Variants in SMPD2 observed in about 807,000 individuals in gnomAD.
SMPD2 encodes the protein N-SMase.
SMPD2 carries 35 observed loss-of-function variants against 41.7 expected under a neutral mutation model. The observed-to-expected ratio is 0.84, with a 90% CI of 0.64 to 1.11. The LOEUF (loss-of-function observed/expected upper bound fraction) is 1.11, where lower values mean the gene tolerates loss of function less well. SMPD2 is among the 50% of genes most tolerant of loss of function. The pLI, the probability that SMPD2 is intolerant of heterozygous loss-of-function variation, is 0.00. For missense variants in SMPD2, 520 were observed against 524.8 expected, an observed-to-expected ratio of 0.99 and a Z score of 0.09; for synonymous variants, 201 against 208.2, an observed-to-expected ratio of 0.97 and a Z score of 0.30.
In SMPD2 at chr6:109,442,966, G is replaced by A; in HGVS notation, c.625-11G>A. The A allele has an allele frequency of 6.2e-7, 1 of 1,613,598 alleles. No homozygotes were observed. The highest frequency in any genetic ancestry group is 8.5e-7 in the Non-Finnish European group (1 of 1,179,506). ...CCCCCACATCCTAGCATGAGCCAAT[G>A]ATTCCCTTAGGGCTCTGAGGAAGGC... On this transcript the variant is annotated splice_polypyrimidine_tract_variant and intron_variant, in intron 7 of 9. Transcript: ENST00000258052.
intron 1 of SMPD2, 26 bp from the exon 2 acceptor site, chr6:109,441,331 C>T (rs1357297206): frequency 2.5e-6 from 4 of 1,607,348 alleles, no homozygotes; most frequent in Admixed American, 1.7e-5. Context: ...CAGTCGCCTC[C>T]CCTGCCCCGC....
chr6:109,443,165 A>G, intron 8 of SMPD2, 84 bp downstream of exon 8: 2 of 1,537,744 alleles, frequency 1.3e-6, no homozygotes. Flanking sequence ...CAGCTAGTCT[A>G]GTCTTGGACC....
rs755255534 is a variant in SMPD2 at position 109,442,939 on chromosome 6, C to A, written c.625-38C>A. On this transcript the variant is annotated intron_variant, in intron 7 of 9. Coordinates refer to ENST00000258052, the MANE Select transcript of SMPD2 (RefSeq NM_003080.3). ...ATATCCCCAGCTTCTCTCCCTCCTT[C>A]TCCCCCACATCCTAGCATGAGCCAA... 2.5e-6 allele frequency: 4 copies of A among 1,610,632 alleles called. No individual in the cohort carries two copies. In the East Asian group the frequency reaches 8.9e-5, roughly 36 times the overall value.
At chr6:109,443,243 C>G (rs780848401) in intron 8 of SMPD2, 24 bp from the exon 9 acceptor site, 1 of 1,612,558 alleles carries the variant, frequency 6.2e-7, no homozygotes, top group Non-Finnish European at 8.5e-7. Flanking sequence ...ATATAAGCTT[C>G]TCTCTGGCCC....
At position 109,442,257 on chromosome 6, in the gene SMPD2, G is replaced by A. The variant is rs1774940823; in HGVS notation, c.366G>A (p.Val122=). ...GTGGGAAGGCTGTGGGGCTGCTGGT[G>A]CTCCATCTAAGTGGCATGGTGCTCA... ...WFSGKAVGLL[V]LHLSGMVLNA... is the part of the protein sequence containing the mutation. Residue 122 remains valine, a synonymous_variant, in exon 5 of 10, where the codon GTG becomes GTA. Transcript: ENST00000258052. The A allele has an allele frequency of 1.9e-6, 3 of 1,614,182 alleles. No individual in the cohort carries two copies. Among genetic ancestry groups the A allele is most frequent in the East Asian group, 4.5e-5 (2 of 44,880 alleles).
At chr6:109,441,322 A>C (rs777509286) in intron 1 of SMPD2, 35 bp from the exon 2 acceptor site, 2 of 1,602,254 alleles carry the variant, frequency 1.2e-6, no homozygotes, top group African/African-American at 1.3e-5. Context: ...TGGTCCCAGC[A>C]GTCGCCTCCC....
rs73520916 is a variant in SMPD2, at chr6:109,441,327, C to T, written c.51-30C>T. 770 of 1,605,852 alleles carry T rather than the reference C, an allele frequency of 4.8e-4. 6 individuals are homozygous for T. In the African/African-American group the frequency reaches 9.4e-3, roughly 20 times the overall value. On this transcript the variant is annotated intron_variant, in intron 1 of 9. Coordinates refer to ENST00000258052, the MANE Select transcript of SMPD2 (RefSeq NM_003080.3). Reference sequence around the variant, plus strand: ...CCAGCGCCGGTGGTCCCAGCAGTCGCCTCCCCTGCCCCGCTCTTCCCTTCC... The same window carrying T: ...CCAGCGCCGGTGGTCCCAGCAGTCGTCTCCCCTGCCCCGCTCTTCCCTTCC...
At position 109,443,502 on chromosome 6, in the gene SMPD2, C is replaced by A. The variant is rs1429278971; in HGVS notation, c.884-15C>A. ...TCTTGACTCTCTCCTGCCCCACTGC[C>A]CTGCTCTGTTGTAGGACCAGCAGAG... On this transcript the variant is annotated splice_polypyrimidine_tract_variant and intron_variant, in intron 9 of 9. Transcript: ENST00000258052. 4.4e-6 allele frequency: 7 copies of A among 1,608,648 alleles called. No homozygotes were observed. Among genetic ancestry groups the A allele is most frequent in the Non-Finnish European group, 6.0e-6 (7 of 1,176,378 alleles).
chr6:109,441,290 C>T, intron 1 of SMPD2, 67 bp from the exon 2 acceptor site: 3 of 1,582,456 alleles, frequency 1.9e-6, no homozygotes, highest in Non-Finnish European at 2.6e-6. Context: ...CCTCCAAAGT[C>T]CACATCTGGC....
At position 109,441,253 on chromosome 6, in the gene SMPD2, G is replaced by T; in HGVS notation, c.50+82G>T. 3 of 1,594,226 alleles carry T rather than the reference G, an allele frequency of 1.9e-6. No homozygotes were observed. In the South Asian group the frequency reaches 3.3e-5, roughly 18 times the overall value. The stretch of plus-strand genomic sequence containing the variant: ...CCTTCCTCCCCCTATCCCGCCCCAC[G>T]ATCTCAGGGTGTAGGGAAAACCCGA... On this transcript the variant is annotated intron_variant, in intron 1 of 9. Transcript: ENST00000258052.
At position 109,441,009 on chromosome 6, in the gene SMPD2, C is replaced by A. The variant is rs960094391; in HGVS notation, c.-113C>A. 9 of 1,093,762 alleles carry A rather than the reference C, an allele frequency of 8.2e-6. No individual in the cohort carries two copies. The African/African-American group carries it at 1.3e-4, about 15-fold the overall frequency. The allele number at this position is 1,093,762 out of a possible 1,614,324, so 67.8% of individuals were successfully genotyped here. A position where few individuals can be genotyped will look rare whatever the true frequency, so the allele number is the denominator to read the frequency against. On this transcript the variant is annotated 5_prime_UTR_variant, in exon 1 of 10. Transcript: ENST00000258052. The stretch of plus-strand genomic sequence containing the variant: ...CGGGCTTGGTGCCCACCTGTGCGCG[C>A]CGCCTGCGAAGAAGGAACGGTCTGG...
chr6:109,443,578 G>C lies in SMPD2; in HGVS notation c.945G>C (p.Leu315=), dbSNP rs200494520. ...AGGAGGCCTGGACGGAGCTGGGTCT[G>C]GGCATGGCTCAGGCTCGCTGGTGGG... ...VLKEAWTELG[L]GMAQARWWAT... The change falls in exon 10 of 10, where the codon CTG becomes CTC. Residue 315 remains leucine (L), a synonymous_variant. Transcript: ENST00000258052. 3.0e-4 allele frequency: 482 copies of C among 1,613,956 alleles called. No individual in the cohort carries two copies. Among genetic ancestry groups the C allele is most frequent in the Non-Finnish European group, 4.0e-4 (467 of 1,180,014 alleles).
At chr6:109,441,664 C>A (rs1264497212) in intron 3 of SMPD2, 36 bp downstream of exon 3, 1 of 1,594,438 alleles carries the variant, frequency 6.3e-7, no homozygotes, top group African/African-American at 1.3e-5. Flanking sequence ...TGTTGTCATC[C>A]CAGGAGGCTC....
intron 2 of SMPD2, 43 bp downstream of exon 2, chr6:109,441,496 G>A: frequency 1.2e-6 from 2 of 1,612,396 alleles, no homozygotes; most frequent in Non-Finnish European, 1.7e-6. Flanking sequence ...CTGGGAGGAG[G>A]GACAGACCGT....
chr6:109,440,734 G>T lies in SMPD2; in HGVS notation c.-388G>T, dbSNP rs1582620347. 2.0e-6 allele frequency: 1 copy of T among 499,300 alleles called. No individual in the cohort carries two copies. Among genetic ancestry groups the T allele is most frequent in the East Asian group, 6.4e-5 (1 of 15,624 alleles). 30.9% of individuals were successfully genotyped at this position (499,300 alleles called of 1,614,324 possible). A position where few individuals can be genotyped will look rare whatever the true frequency, so the allele number is the denominator to read the frequency against. On this transcript the variant is annotated 5_prime_UTR_variant, in exon 1 of 10. Coordinates refer to ENST00000258052, the MANE Select transcript of SMPD2 (RefSeq NM_003080.3). The stretch of plus-strand genomic sequence containing the variant: ...GGCGGCTGGGCCTTTCCTCAACTTT[G>T]CGCCTGTTGCTGGGCCGCCGGCGCG...
At position 109,441,190 on chromosome 6, in the gene SMPD2, T is replaced by C; in HGVS notation, c.50+19T>C. 1 of 1,613,814 alleles carries C rather than the reference T, an allele frequency of 6.2e-7. No homozygotes were observed. The highest frequency in any genetic ancestry group is 1.3e-5 in the African/African-American group (1 of 74,984). On this transcript the variant is annotated intron_variant, in intron 1 of 9. Transcript: ENST00000258052. ...ACTGCTGGTGAGTGCGTCTGCGGAG[T>C]GCGGTCTGGGGGCCACCTTCCGTTC...
At position 109,443,636 on chromosome 6, in the gene SMPD2, C is replaced by T; in HGVS notation, c.1003C>T (p.Leu335=). ...TFASYVIGLG[L]LLLALLCVLA... ...CGCTAGCTATGTGATTGGCCTGGGG[C>T]TGCTTCTCCTGGCACTGCTGTGTGT... The change falls in exon 10 of 10, where the codon CTG becomes TTG. Residue 335 remains leucine, a synonymous_variant. Coordinates refer to ENST00000258052, the MANE Select transcript of SMPD2 (RefSeq NM_003080.3). 1 of 1,613,938 alleles carries T rather than the reference C, an allele frequency of 6.2e-7. No individual in the cohort carries two copies. Among genetic ancestry groups the T allele is most frequent in the Admixed American group, 1.7e-5 (1 of 60,030 alleles).
At chr6:109,441,769 A>AGAAGGAGAAGGGTGAACCG in intron 3 of SMPD2, 141 bp downstream of exon 3, 1 of 934,170 alleles carries the variant, frequency 1.1e-6, no homozygotes, top group Non-Finnish European at 1.7e-6. Context: ...AGGGTGAACC[A>AGAAGGAGAAGGGTGAACCG]AGAAGGTCCT....
At position 109,442,458 on chromosome 6, in the gene SMPD2, T is replaced by C; in HGVS notation, c.409-85T>C. 4 of 1,406,814 alleles carry C rather than the reference T, an allele frequency of 2.8e-6. No homozygotes were observed. In the South Asian group the frequency reaches 3.7e-5, roughly 13 times the overall value. The allele number at this position is 1,406,814 out of a possible 1,614,324, so 87.1% of individuals were successfully genotyped here. A position where few individuals can be genotyped will look rare whatever the true frequency, so the allele number is the denominator to read the frequency against. ...CTTATCCATTGTATACCAAACACCA[T>C]GCCAAGTGACAGACACAGGCTTGAT... On this transcript the variant is annotated intron_variant, in intron 5 of 9. Transcript: ENST00000258052.
Sources: gnomAD v4.1 joint callset for allele counts on GRCh38, gnomAD v4.1.1 for gene constraint, MANE v1.5 for transcripts, NCBI Gene and HGNC (gene_info 2026-07-23, HGNC 2026-07-21) for gene names.